ELFN2: variants seen among roughly 807,000 people sequenced by gnomAD.
ELFN2 encodes the protein extracellular leucine rich repeat and fibronectin type III domain containing 2.
A neutral mutation model predicts 45.5 loss-of-function variants in ELFN2; 17 were observed. The observed-to-expected ratio is 0.37, with a 90% CI of 0.26 to 0.56. The LOEUF (loss-of-function observed/expected upper bound fraction) is 0.56. ELFN2 is among the 20% of genes least tolerant of loss of function. The probability of loss-of-function intolerance (pLI) is 0.77; values close to 1 mark genes in which losing one functional copy is unlikely to be tolerated. For synonymous variants in ELFN2, 550 were observed against 551.5 expected (o/e 1.00, Z 0.04); for missense variants, 922 against 1,183.2 (o/e 0.78, Z 3.24).
chr22:37,362,640 G>T (rs1328914060), intron 1 of ELFN2, among the ~76,000 whole-genome samples: 1 of 152,244 alleles, frequency 6.6e-6, no homozygotes, highest in Admixed American at 6.5e-5. Context: ...TGGGAGTAAA[G>T]TGGGTTAGAG....
At chr22:37,400,712 G>A (rs540414085) in intron 2 of ELFN2, among the ~76,000 whole-genome samples, 97 of 152,310 alleles carry the variant, frequency 6.4e-4, no homozygotes, top group Non-Finnish European at 1.3e-3. Flanking sequence ...CCCAGCACCC[G>A]GCCCAGAACA....
At chr22:37,421,729 T>G (rs1042493935) in intron 1 of ELFN2, among the ~76,000 whole-genome samples, 7 of 152,128 alleles carry the variant, frequency 4.6e-5, no homozygotes, top group African/African-American at 1.7e-4. Flanking sequence ...CTCGGTAGCA[T>G]GTAGATGAAA....
At chr22:37,378,500 T>A (rs9610723) in intron 2 of ELFN2, among the ~76,000 whole-genome samples, 6 of 152,104 alleles carry the variant, frequency 3.9e-5, no homozygotes, top group Non-Finnish European at 8.8e-5. Flanking sequence ...AAGAGGCCCA[T>A]GTGGGAGGGG....
At position 37,423,163 on chromosome 22, in the gene ELFN2, C is replaced by T. The variant is rs540371323; in HGVS notation, c.-614+4135G>A. On this transcript the variant is annotated intron_variant, in intron 1 of 2. Coordinates refer to ENST00000402918, the MANE Select transcript of ELFN2 (RefSeq NM_052906.5). ...GGGGAGCCCTCCAAGCGCTGCTGTT[C>T]GAGGCACTGTGGGAGGGCCAGGGAG... Among the ~76,000 whole-genome samples, 156 of 152,176 alleles carry T rather than the reference C, an allele frequency of 1.0e-3. 1 individual carries two copies. The highest frequency in any genetic ancestry group is 3.0e-3 in the African/African-American group (125 of 41,526).
chr22:37,359,069 GCA>G (rs1339695898), intron 1 of ELFN2, among the ~76,000 whole-genome samples: 7 of 152,120 alleles, frequency 4.6e-5, no homozygotes, highest in African/African-American at 1.7e-4. Flanking sequence ...TTGGGGGAGT[GCA>G]CTAAGTAGGG....
intron 2 of ELFN2, among the ~76,000 whole-genome samples, chr22:37,413,054 G>A (rs1431680117): frequency 6.6e-6 from 1 of 152,196 alleles, no homozygotes; most frequent in Non-Finnish European, 1.5e-5. Flanking sequence ...TTGCAACCGG[G>A]TGTGACACTC....
chr22:37,352,606 G>A, intron 1 of ELFN2, among the ~76,000 whole-genome samples: 1 of 150,684 alleles, frequency 6.6e-6, no homozygotes, highest in East Asian at 1.9e-4. Flanking sequence ...TAAGAAGCTG[G>A]CGTGGCAAAG....
intron 1 of ELFN2, chr22:37,354,598 T>G (rs1023478492): frequency 6.6e-6 from 1 of 152,252 alleles, no homozygotes; most frequent in Admixed American, 6.5e-5. Flanking sequence ...TTGCCAAATG[T>G]CCCCTGGGGG....
At chr22:37,412,295 AG>A (rs1387222951) in intron 2 of ELFN2, among the ~76,000 whole-genome samples, 3 of 145,464 alleles carry the variant, frequency 2.1e-5, no homozygotes, top group African/African-American at 7.7e-5. Flanking sequence ...AAAAAAAAAA[AG>A]AAAGAAAGAA....
At chr22:37,345,244 C>T (rs1930668836) in intron 1 of ELFN2, among the ~76,000 whole-genome samples, 1 of 152,224 alleles carries the variant, frequency 6.6e-6, no homozygotes, top group South Asian at 2.1e-4. Flanking sequence ...CTGCCCCTCC[C>T]TCCCCATCAC....
chr22:37,350,450 T>C (rs1443884954), intron 1 of ELFN2, among the ~76,000 whole-genome samples: 1 of 149,354 alleles, frequency 6.7e-6, no homozygotes, highest in East Asian at 2.0e-4. Context: ...ACCCAGGGGG[T>C]GAGGGGAGGG....
intron 2 of ELFN2, among the ~76,000 whole-genome samples, chr22:37,391,796 T>G (rs910708870): frequency 2.0e-5 from 3 of 152,192 alleles, no homozygotes; most frequent in Non-Finnish European, 4.4e-5. Flanking sequence ...AAATGACCTG[T>G]GCCCAGCCCC....
chr22:37,375,863 T>G lies in ELFN2; in HGVS notation c.-329A>C. 4.9e-6 allele frequency: 2 copies of G among 405,528 alleles called. No homozygotes were observed. Among genetic ancestry groups the G allele is most frequent in the Non-Finnish European group, 4.6e-6 (1 of 217,800 alleles). The allele number at this position is 405,528 out of a possible 1,614,324, so 25.1% of individuals were successfully genotyped here. A position where few individuals can be genotyped will look rare whatever the true frequency, so the allele number is the denominator to read the frequency against. On this transcript the variant is annotated 5_prime_UTR_variant, in exon 3 of 3. Coordinates refer to ENST00000402918, the MANE Select transcript of ELFN2 (RefSeq NM_052906.5). ...CTCCTCCTCCTCCTCCTCCTCCTCC[T>G]CCTCCTCGTCTTCCTCCTTGGCTTC...
Position 37,375,843 on chromosome 22 carries a change from C to A in ELFN2, c.-309G>T. On this transcript the variant is annotated 5_prime_UTR_variant, in exon 3 of 3. Transcript: ENST00000402918. ...CAGGGCTTGACTTCCTCTCCCTCCT[C>A]CTCCTCCTCCTCCTCCTCCTCCTCC... is the stretch of plus-strand genomic sequence containing the variant. 7.3e-6 allele frequency: 3 copies of A among 410,608 alleles called. No individual in the cohort carries two copies. Among genetic ancestry groups the A allele is most frequent in the African/African-American group, 2.4e-5 (1 of 41,002 alleles). The allele number at this position is 410,608 out of a possible 1,614,324, so 25.4% of individuals were successfully genotyped here. A position where few individuals can be genotyped will look rare whatever the true frequency, so the allele number is the denominator to read the frequency against.
chr22:37,407,819 C>T (rs891558721), intron 2 of ELFN2, among the ~76,000 whole-genome samples: 1 of 151,742 alleles, frequency 6.6e-6, no homozygotes, highest in African/African-American at 2.4e-5. Context: ...GGCATGAATC[C>T]GGGAGGCGGA....
intron 2 of ELFN2, among the ~76,000 whole-genome samples, chr22:37,400,362 C>T (rs1459454315): frequency 1.3e-5 from 2 of 152,200 alleles, no homozygotes; most frequent in Non-Finnish European, 2.9e-5. Flanking sequence ...TCCCCTCACC[C>T]CCGGAGGCCC....
intron 2 of ELFN2, among the ~76,000 whole-genome samples, chr22:37,388,925 G>A (rs1035109922): frequency 3.3e-5 from 5 of 152,192 alleles, no homozygotes; most frequent in East Asian, 1.9e-4. Context: ...GGCACTCCCC[G>A]GGGCTTCGTG....
intron 1 of ELFN2, among the ~76,000 whole-genome samples, chr22:37,349,682 C>T (rs900263812): frequency 6.0e-5 from 9 of 151,074 alleles, no homozygotes; most frequent in Admixed American, 2.0e-4. Context: ...AGGGCACACT[C>T]ATCAGCCCAC....
Position 37,349,421 on chromosome 22 carries a change from T to A in ELFN2, n.149-6718A>T, listed in dbSNP as rs771528708. 1.7e-4 allele frequency among the ~76,000 whole-genome samples: 25 copies of A among 151,356 alleles called. 2 individuals are homozygous for A. The highest frequency in any genetic ancestry group is 3.3e-4 in the Non-Finnish European group (22 of 67,354). The stretch of plus-strand genomic sequence containing the variant: ...CCCAGTTTGGGGCAGCCCGGCCTAC[T>A]TCTCAAGGATGTTTGGAGGTTCCTG... On this transcript the variant is annotated intron_variant and non_coding_transcript_variant, in intron 1 of 2. Transcript: ENST00000452946.
Sources: allele counts gnomAD v4.1 joint callset (sites outside exome capture counted in the v4.1 genomes callset), GRCh38; gene constraint gnomAD v4.1.1; transcripts MANE v1.5; gene names NCBI Gene and HGNC (gene_info 2026-07-23, HGNC 2026-07-21).